SH3BP1: variants seen among roughly 807,000 people sequenced by gnomAD.
The protein encoded by SH3BP1 is SH3 domain-binding protein 1.
SH3BP1 carries 46 observed loss-of-function variants against 69.8 expected under a neutral mutation model. The observed-to-expected ratio is 0.66, with a 90% CI of 0.52 to 0.84. The LOEUF (loss-of-function observed/expected upper bound fraction) is 0.84, where lower values mean the gene tolerates loss of function less well. Among genes scored for constraint, SH3BP1 ranks in the 40% least tolerant of loss-of-function variants. The pLI is 0.00. For synonymous variants in SH3BP1, 403 were observed against 378.0 expected (o/e 1.07, Z -0.77); for missense variants, 868 against 930.9 (o/e 0.93, Z 0.88).
Position 37,655,274 on chromosome 22 carries a change from A to G in SH3BP1, c.1696A>G (p.Lys566Glu), listed in dbSNP as rs1288228898. Residue 566 changes from lysine (K) to glutamate (E), a missense_variant and splice_region_variant, in exon 18 of 18, where the codon AAG (lysine) becomes GAG (glutamate). Around this residue, in one of 3 missense-constraint regions of SH3BP1, gnomAD observed 474 missense variants for 462.3 expected, o/e 1.03. Transcript: ENST00000649765. Reference sequence around the variant, plus strand: ...CTCACCCTTTCCTTCCTCAACAGCCAAGCGCCCGGCGCCAGCCCGGCCCAC... The same window carrying G: ...CTCACCCTTTCCTTCCTCAACAGCCGAGCGCCCGGCGCCAGCCCGGCCCAC... ...APVEDMARRT[K>E]RPAPARPTMP... is the part of the protein sequence containing the mutation. The G allele has an allele frequency of 6.3e-7, 1 of 1,586,444 alleles. No homozygotes were observed. The highest frequency in any genetic ancestry group is 8.6e-7 in the Non-Finnish European group (1 of 1,169,588).
Position 37,655,367 on chromosome 22 carries a change from G to C in SH3BP1, c.1789G>C (p.Gly597Arg). The C allele has an allele frequency of 2.2e-6, 3 of 1,346,160 alleles. No individual in the cohort carries two copies. The highest frequency in any genetic ancestry group is 2.9e-6 in the Non-Finnish European group (3 of 1,033,520). 83.4% of individuals were successfully genotyped at this position (1,346,160 alleles called of 1,614,324 possible). A position where few individuals can be genotyped will look rare whatever the true frequency, so the allele number is the denominator to read the frequency against. Residue 597 changes from glycine to arginine, a missense_variant, in exon 18 of 18, where the codon GGC (glycine) becomes CGC (arginine). Physicochemically the swap from Gly to Arg is moderately radical, Grantham distance 125. This residue lies in a region of SH3BP1 where 474 missense variants were observed against 462.3 expected (regional missense o/e 1.03). Coordinates refer to ENST00000649765, the MANE Select transcript of SH3BP1 (RefSeq NM_018957.6). ...AGCCCCGCCCTTGCCCCCTGGCTCT[G>C]GCAGCCCTGGGACCCCCCAAGCCCT... ...PPAPPLPPGSGSPGTPQALPR... is the reference protein window; with the variant it reads ...PPAPPLPPGSRSPGTPQALPR...
chr22:37,645,126 G>A, intron 9 of SH3BP1, 166 bp downstream of exon 9: 2 of 831,030 alleles, frequency 2.4e-6, no homozygotes, highest in Non-Finnish European at 3.8e-6. Flanking sequence ...TGTGGAGGGT[G>A]GAGTGAAGCG....
At chr22:37,643,873 A>AGCACT in intron 7 of SH3BP1, 85 bp downstream of exon 7, 1 of 1,548,988 alleles carries the variant, frequency 6.5e-7, no homozygotes, top group African/African-American at 1.4e-5. Context: ...GCTGAAGTTC[A>AGCACT]GAGAGGTGAC....
Position 37,641,427 on chromosome 22 carries a change from G to T in SH3BP1, c.156G>T (p.Arg52=), listed in dbSNP as rs1322872488. ...AKRAAHNIHK[R]LQACLQGQSG... is the part of the protein sequence containing the mutation. ...GGGCAGCCCACAACATCCACAAGCG[G>T]CTGCAGGCCTGTCTGCAGGGCCAGA... Residue 52 remains arginine (R), a synonymous_variant, in exon 3 of 18, where the codon CGG becomes CGT. Transcript: ENST00000649765. The T allele has an allele frequency of 8.4e-6, 13 of 1,551,062 alleles. No individual in the cohort carries two copies. The East Asian group carries it at 3.2e-4, about 38-fold the overall frequency.
At position 37,648,492 on chromosome 22, in the gene SH3BP1, A is replaced by C. The variant is rs1403746995; in HGVS notation, c.1316+57A>C. 7 of 1,167,838 alleles carry C rather than the reference A, an allele frequency of 6.0e-6. No homozygotes were observed. In the East Asian group the frequency reaches 1.5e-4, roughly 25 times the overall value. 72.3% of individuals were successfully genotyped at this position (1,167,838 alleles called of 1,614,324 possible). A position where few individuals can be genotyped will look rare whatever the true frequency, so the allele number is the denominator to read the frequency against. On this transcript the variant is annotated intron_variant, in intron 14 of 17. Transcript: ENST00000649765. The stretch of plus-strand genomic sequence containing the variant: ...GAGGAAGGCAGATCCCATCCCAACT[A>C]TCTGTTGTCTATTTTTCCCCGGGGC...
At chr22:37,642,167 G>C (rs1319377514) in intron 3 of SH3BP1, 4 of 257,382 alleles carry the variant, frequency 1.6e-5, no homozygotes, top group African/African-American at 8.7e-5. Flanking sequence ...GCGGTGGCTA[G>C]GTCAGCCATA....
chr22:37,640,901 C>T, intron 1 of SH3BP1: 4 of 586,888 alleles, frequency 6.8e-6, no homozygotes, highest in Non-Finnish European at 1.2e-5. Flanking sequence ...CAGGACACAG[C>T]CCTGGGTGGA....
chr22:37,651,924 C>T (rs973264503), intron 16 of SH3BP1, among the ~76,000 whole-genome samples: 3 of 151,924 alleles, frequency 2.0e-5, no homozygotes. Flanking sequence ...GGAAAGACCT[C>T]GCTAAGGAAG....
chr22:37,641,044 C>G, intron 1 of SH3BP1, 82 bp from the exon 2 acceptor site: 1 of 952,760 alleles, frequency 1.0e-6, no homozygotes. Context: ...TGCCCTGCTG[C>G]GGGGAAGGGA....
intron 3 of SH3BP1, 107 bp from the exon 4 acceptor site, chr22:37,642,432 G>A: frequency 9.6e-7 from 1 of 1,040,626 alleles, no homozygotes; most frequent in African/African-American, 1.6e-5. Context: ...ATCTGGGACT[G>A]TGGCCCTCCT....
rs149019286 is a variant in SH3BP1 at position 37,646,909 on chromosome 22, C to G, written c.1016C>G (p.Ser339Cys). The change falls in exon 11 of 18, where the codon TCC becomes TGC. Residue 339 changes from serine to cysteine, a missense_variant. This residue lies in a region of SH3BP1 where 387 missense variants were observed against 447.9 expected (regional missense o/e 0.86). Transcript: ENST00000649765. ...CCCCACAGCCTGGAGGAGTTCTGCT[C>G]CGACCCGCACGCTGTGGCAGGTGCC... ...SDPHSLEEFC[S>C]DPHAVAGALK... 1,476 of 1,556,430 alleles carry G rather than the reference C, an allele frequency of 9.5e-4. 2 individuals carry two copies. Among genetic ancestry groups the G allele is most frequent in the Non-Finnish European group, 1.2e-3 (1,404 of 1,153,814 alleles).
At position 37,643,776 on chromosome 22, in the gene SH3BP1, G is replaced by A. The variant is rs1208597881; in HGVS notation, c.606G>A (p.Val202=). The change falls in exon 7 of 18, where the codon GTG becomes GTA. Residue 202 remains valine (V), a synonymous_variant. Transcript: ENST00000649765. ...AGGAGGAGGAGCTGAAGAGGAAAGT[G>A]GAGCAATGCAGGGTGAGGGCCATGG... The part of the protein sequence containing the change: ...KEEEEELKRK[V]EQCRDEYLAD... 1 of 1,613,304 alleles carries A rather than the reference G, an allele frequency of 6.2e-7. No homozygotes were observed. Among genetic ancestry groups the A allele is most frequent in the Non-Finnish European group, 8.5e-7 (1 of 1,179,962 alleles).
At chr22:37,650,985 A>AGG (rs1451130752) in intron 16 of SH3BP1, among the ~76,000 whole-genome samples, 2 of 152,070 alleles carry the variant, frequency 1.3e-5, no homozygotes, top group African/African-American at 4.8e-5. Context: ...TTCCAGTCCT[A>AGG]GGGAACTCAA....
rs1271653797 is a variant in SH3BP1, at chr22:37,650,434, G to A, written c.1415-108G>A. 2.0e-6 allele frequency: 3 copies of A among 1,507,352 alleles called. No homozygotes were observed. In the African/African-American group the frequency reaches 4.2e-5, roughly 21 times the overall value. 93.4% of individuals were successfully genotyped at this position (1,507,352 alleles called of 1,614,324 possible). On this transcript the variant is annotated intron_variant, in intron 15 of 17. Transcript: ENST00000649765. ...GTGAGGCTCACACGGGAGTGGGGAA[G>A]CTGAACATGGTCCAGATGGGTTCAG...
chr22:37,643,032 C>T (rs752394194), intron 5 of SH3BP1, 26 bp downstream of exon 5: 11 of 1,608,794 alleles, frequency 6.8e-6, no homozygotes, highest in African/African-American at 5.3e-5. Flanking sequence ...GCTTTCAGCC[C>T]CCAGCTTCCC....
chr22:37,648,521 G>C, intron 14 of SH3BP1, 86 bp downstream of exon 14: 2 of 931,848 alleles, frequency 2.1e-6, no homozygotes, highest in East Asian at 2.6e-5. Flanking sequence ...CCGGGGCCTT[G>C]GTGTCCCCAT....
intron 6 of SH3BP1, 179 bp downstream of exon 6, chr22:37,643,353 C>T (rs2146048207): frequency 3.0e-6 from 2 of 672,790 alleles, no homozygotes. Flanking sequence ...TGAGGGTGTG[C>T]CCGCGTGTGT....
Position 37,655,463 on chromosome 22 carries a change from C to T in SH3BP1, c.1885C>T (p.Gln629Ter). The T allele has an allele frequency of 1.4e-6, 2 of 1,385,110 alleles. No individual in the cohort carries two copies. The highest frequency in any genetic ancestry group is 1.3e-5 in the South Asian group (1 of 75,074). 85.8% of individuals were successfully genotyped at this position (1,385,110 alleles called of 1,614,324 possible). The part of the protein sequence containing the change: ...VPPPLPPTPP[Q>*]PARRQSRRSP... ...ACCCCCGTTACCCCCCACACCCCCT[C>T]AGCCTGCCCGGCGCCAAAGCCGGCG... Residue 629 changes from glutamine to a stop codon, truncating the protein, a stop_gained, in exon 18 of 18, where the codon CAG becomes TAG. Coordinates refer to ENST00000649765, the MANE Select transcript of SH3BP1 (RefSeq NM_018957.6). LOFTEE classifies it low-confidence loss of function (END_TRUNC).
intron 16 of SH3BP1, among the ~76,000 whole-genome samples, chr22:37,652,978 A>G (rs1347080791): frequency 6.6e-6 from 1 of 151,924 alleles, no homozygotes. Context: ...TCTACTAAAA[A>G]TGCAAAAAAT....
Sources: allele counts gnomAD v4.1 joint callset (sites outside exome capture counted in the v4.1 genomes callset), GRCh38; gene constraint gnomAD v4.1.1; regional missense constraint gnomAD v4.1.1; transcripts MANE v1.5; gene names NCBI Gene and HGNC (gene_info 2026-07-23, HGNC 2026-07-21).